Variants in MCTP1 observed in about 807,000 individuals in gnomAD.
MCTP1 encodes multiple C2 and transmembrane domain-containing protein 1.
MCTP1 carries 69 observed loss-of-function variants against 120.6 expected under a neutral mutation model. The observed-to-expected ratio is 0.57, with a 90% CI of 0.47 to 0.70. The LOEUF is 0.70. MCTP1 is among the 30% of genes least tolerant of loss of function. The probability of loss-of-function intolerance (pLI) is 0.00; values close to 1 mark genes in which losing one functional copy is unlikely to be tolerated. For synonymous variants in MCTP1, 529 were observed against 493.1 expected, an observed-to-expected ratio of 1.07 and a Z score of -0.96; for missense variants, 1,203 against 1,248.8, an observed-to-expected ratio of 0.96 and a Z score of 0.55.
chr5:95,079,507 A>G (rs571524929), intron 1 of MCTP1, among the ~76,000 whole-genome samples: 15 of 152,144 alleles, frequency 9.9e-5, no homozygotes, highest in Non-Finnish European at 2.1e-4. Context: ...ATTTTAAAAG[A>G]TATATGCCTA....
chr5:94,842,970 AC>A (rs1791466177), intron 17 of MCTP1, among the ~76,000 whole-genome samples: 1 of 152,092 alleles, frequency 6.6e-6, no homozygotes, highest in Non-Finnish European at 1.5e-5. Context: ...TTTTAATGAT[AC>A]CATTAATATT....
At chr5:94,889,840 A>G (rs961814929) in intron 11 of MCTP1, among the ~76,000 whole-genome samples, 1 of 152,058 alleles carries the variant, frequency 6.6e-6, no homozygotes. Flanking sequence ...AATAAAAAAA[A>G]CACATTTAAT....
At chr5:94,792,023 C>G (rs116919494) in intron 18 of MCTP1, 96 of 152,442 alleles carry the variant, frequency 6.3e-4, no homozygotes, top group African/African-American at 2.3e-3. Context: ...AAGAGTACAG[C>G]CTTGCAGGGG....
chr5:94,936,048 G>T (rs1816114262), intron 5 of MCTP1, among the ~76,000 whole-genome samples: 1 of 152,010 alleles, frequency 6.6e-6, no homozygotes, highest in Non-Finnish European at 1.5e-5. Context: ...ACAGAATGAA[G>T]AAAATACAGT....
At chr5:95,158,882 C>T (rs1407433945) in intron 1 of MCTP1, among the ~76,000 whole-genome samples, 2 of 152,110 alleles carry the variant, frequency 1.3e-5, no homozygotes, top group South Asian at 2.1e-4. Flanking sequence ...GATCACACCA[C>T]TGCACTCCAG....
intron 1 of MCTP1, among the ~76,000 whole-genome samples, chr5:95,121,936 C>T (rs866206253): frequency 8.9e-6 from 1 of 112,746 alleles, no homozygotes; most frequent in Non-Finnish European, 1.8e-5. Context: ...TATCCATATG[C>T]AAAAAAAAAA....
chr5:95,101,697 T>A (rs1229675284), intron 1 of MCTP1, among the ~76,000 whole-genome samples: 1 of 152,232 alleles, frequency 6.6e-6, no homozygotes, highest in Non-Finnish European at 1.5e-5. Flanking sequence ...CATTAGTTAG[T>A]GATCCCACTC....
intron 2 of MCTP1, among the ~76,000 whole-genome samples, chr5:94,986,055 T>C (rs1830375456): frequency 6.6e-6 from 1 of 152,130 alleles, no homozygotes; most frequent in Non-Finnish European, 1.5e-5. Context: ...AATATGAAAA[T>C]ACTAAAGCTC....
At chr5:95,237,651 G>A (rs966005027) in intron 1 of MCTP1, among the ~76,000 whole-genome samples, 3 of 152,114 alleles carry the variant, frequency 2.0e-5, no homozygotes, top group African/African-American at 7.2e-5. Context: ...ACACAAGAGA[G>A]GAAAATAAAT....
intron 1 of MCTP1, among the ~76,000 whole-genome samples, chr5:95,064,987 A>G (rs1281018618): frequency 6.6e-6 from 1 of 152,196 alleles, no homozygotes; most frequent in African/African-American, 2.4e-5. Context: ...ACATTATATC[A>G]TGTTTCTGCT....
chr5:94,924,049 T>C (rs777456637), intron 6 of MCTP1, 28 bp from the exon 7 acceptor site: 1 of 1,296,866 alleles, frequency 7.7e-7, no homozygotes. Flanking sequence ...TTTAGCTACA[T>C]TTTGAGATGT....
intron 17 of MCTP1, chr5:94,867,406 G>A (rs757841441): frequency 7.7e-7 from 1 of 1,299,642 alleles, no homozygotes; most frequent in South Asian, 1.3e-5. Flanking sequence ...AGAGCTCAAA[G>A]TACTAAACAG....
chr5:94,953,417 A>G, intron 2 of MCTP1, 56 bp from the exon 3 acceptor site: 1 of 1,392,686 alleles, frequency 7.2e-7, no homozygotes, highest in Non-Finnish European at 9.6e-7. Flanking sequence ...GAAGCAAGAG[A>G]ACCACTCTTT....
rs377627027 is a variant in MCTP1, at chr5:94,857,933, A to G, written c.2436+10400T>C. ...TTATGTTGTTTAATTTTACGCTGGA[A>G]TAATTTGGATCCATATAATTTTAAA... On this transcript the variant is annotated intron_variant, in intron 17 of 22. Transcript: ENST00000515393. Among the ~76,000 whole-genome samples, 31 of 151,830 alleles carry G rather than the reference A, an allele frequency of 2.0e-4. 1 individual carries two copies. The highest frequency in any genetic ancestry group is 7.2e-4 in the African/African-American group (30 of 41,520).
intron 22 of MCTP1, among the ~76,000 whole-genome samples, chr5:94,707,984 A>C (rs1427306209): frequency 6.6e-5 from 10 of 151,708 alleles, no homozygotes; most frequent in Non-Finnish European, 1.2e-4. Context: ...AAAAAAAAAA[A>C]AACAAACTTC....
intron 2 of MCTP1, among the ~76,000 whole-genome samples, chr5:94,979,861 T>A (rs1353341198): frequency 1.3e-5 from 2 of 152,162 alleles, no homozygotes; most frequent in African/African-American, 4.8e-5. Context: ...ATCGGGTTTA[T>A]CTGTTTAGTT....
chr5:95,087,028 G>A (rs1327576083), intron 1 of MCTP1, among the ~76,000 whole-genome samples: 2 of 152,152 alleles, frequency 1.3e-5, no homozygotes, highest in Non-Finnish European at 2.9e-5. Flanking sequence ...CATAAAATGA[G>A]AGGGCTTAAT....
At chr5:94,715,811 C>G (rs1025383309) in intron 19 of MCTP1, among the ~76,000 whole-genome samples, 5 of 152,220 alleles carry the variant, frequency 3.3e-5, no homozygotes, top group African/African-American at 1.2e-4. Flanking sequence ...TCCATTCCTC[C>G]ATGCCAGCTT....
rs372316301 is a variant in MCTP1 at position 94,924,000 on chromosome 5, C to T, written c.1234G>A (p.Val412Ile). ...SSKELSENEV[V>I]GSYFSVKSLF... ...GACTTCACAGAGAAATAAGATCCAA[C>T]CACTTCATTTTCTGAAAGTTCCTAG... The change falls in exon 7 of 23, where the codon GTT becomes ATT. Residue 412 changes from valine (V) to isoleucine (I), a missense_variant. This residue lies in a region of MCTP1 where 740 missense variants were observed against 871.1 expected (regional missense o/e 0.85). Transcript: ENST00000515393. 1 of 1,511,928 alleles carries T rather than the reference C, an allele frequency of 6.6e-7. No homozygotes were observed. 93.7% of individuals were successfully genotyped at this position (1,511,928 alleles called of 1,614,324 possible).
Sources: allele counts gnomAD v4.1 joint callset (sites outside exome capture counted in the v4.1 genomes callset), GRCh38; gene constraint gnomAD v4.1.1; regional missense constraint gnomAD v4.1.1; transcripts MANE v1.5; gene names NCBI Gene and HGNC (gene_info 2026-07-23, HGNC 2026-07-21).